The following CSTPP1 variants were observed in gnomAD, a reference collection of about 807,000 sequenced individuals.
CSTPP1 encodes centriolar satellite-associated tubulin polyglutamylase complex regulator 1.
chr11:46,939,082 CTTT>C, the CSTPP1 span, among the ~76,000 whole-genome samples: 1 of 84,744 alleles, frequency 1.2e-5, no homozygotes, highest in East Asian at 3.9e-4. Context: ...TGGCTTACAT[CTTT>C]TTTTTTTTTT....
chr11:47,117,966 G>A, the CSTPP1 span, among the ~76,000 whole-genome samples: 3 of 129,976 alleles, frequency 2.3e-5, no homozygotes, highest in Non-Finnish European at 3.1e-5. Flanking sequence ...TGCAACCTCC[G>A]CCTCCCAGGT....
the CSTPP1 span, chr11:47,052,110 T>C: frequency 4.2e-6 from 1 of 236,700 alleles, no homozygotes; most frequent in African/African-American, 2.3e-5. Context: ...CTTTCCTCCA[T>C]ATGCGTTGCT....
chr11:47,028,987 G>A, the CSTPP1 span, among the ~76,000 whole-genome samples: 1 of 151,846 alleles, frequency 6.6e-6, no homozygotes, highest in Admixed American at 6.6e-5. Context: ...ACAGGCGCAG[G>A]CCACCATGCC....
chr11:46,977,392 T>C, the CSTPP1 span, among the ~76,000 whole-genome samples: 4 of 152,208 alleles, frequency 2.6e-5, no homozygotes, highest in African/African-American at 9.6e-5. Context: ...AATGACAAAG[T>C]TTTTAAAAGA....
the CSTPP1 span, among the ~76,000 whole-genome samples, chr11:46,946,408 C>T: frequency 6.6e-6 from 1 of 152,226 alleles, no homozygotes; most frequent in Non-Finnish European, 1.5e-5. Context: ...CCTGTAATCC[C>T]AGCACTTTGG....
the CSTPP1 span, chr11:46,947,968 C>T: frequency 2.3e-6 from 1 of 443,992 alleles, no homozygotes. Context: ...CAGAACTCCT[C>T]CTGTGGCCAA....
At chr11:47,022,036 T>C in the CSTPP1 span, among the ~76,000 whole-genome samples, 1 of 139,428 alleles carries the variant, frequency 7.2e-6, no homozygotes, top group Non-Finnish European at 1.6e-5. Flanking sequence ...ACATATATGG[T>C]TTTTTTTTTT....
At chr11:47,019,924 G>A in the CSTPP1 span, among the ~76,000 whole-genome samples, 3 of 152,200 alleles carry the variant, frequency 2.0e-5, 1 homozygote, top group Middle Eastern at 0.01. Context: ...TGTAAATGGT[G>A]CACTACACAT....
chr11:47,026,091 G>A, the CSTPP1 span, among the ~76,000 whole-genome samples: 4 of 152,214 alleles, frequency 2.6e-5, no homozygotes, highest in Admixed American at 1.3e-4. Context: ...GGGTGAACCA[G>A]TTGACAAAAG....
chr11:46,945,085 A>G, the CSTPP1 span, among the ~76,000 whole-genome samples: 1 of 152,114 alleles, frequency 6.6e-6, no homozygotes, highest in Non-Finnish European at 1.5e-5. Context: ...GACACATTCT[A>G]TTTTTTGATT....
At chr11:47,057,721 G>A in the CSTPP1 span, among the ~76,000 whole-genome samples, 1 of 152,144 alleles carries the variant, frequency 6.6e-6, no homozygotes, top group Non-Finnish European at 1.5e-5. Context: ...AAGTTGTTCA[G>A]TGAGCTCCAG....
the CSTPP1 span, among the ~76,000 whole-genome samples, chr11:47,099,694 G>A: frequency 6.6e-6 from 1 of 152,192 alleles, no homozygotes; most frequent in Non-Finnish European, 1.5e-5. Context: ...GTGCAGTCCT[G>A]TTTGTATTGC....
chr11:47,118,187 AT>A, the CSTPP1 span, among the ~76,000 whole-genome samples: 3 of 151,856 alleles, frequency 2.0e-5, no homozygotes, highest in African/African-American at 7.3e-5. Flanking sequence ...CTCTTGCTGT[AT>A]TTCATTAATT....
the CSTPP1 span, among the ~76,000 whole-genome samples, chr11:47,051,348 G>C: frequency 6.6e-6 from 1 of 152,118 alleles, no homozygotes; most frequent in African/African-American, 2.4e-5. Context: ...ATTACACCAG[G>C]CTCTACAGCC....
the CSTPP1 span, among the ~76,000 whole-genome samples, chr11:47,146,200 T>C: frequency 6.6e-6 from 1 of 151,778 alleles, no homozygotes; most frequent in Non-Finnish European, 1.5e-5. Context: ...TCCTCTCTAC[T>C]AAAAATACAA....
At chr11:47,054,672 C>T in the CSTPP1 span, among the ~76,000 whole-genome samples, 1 of 152,150 alleles carries the variant, frequency 6.6e-6, no homozygotes, top group Non-Finnish European at 1.5e-5. Context: ...ATTCAAAAGG[C>T]AGTGTAGAAG....
the CSTPP1 span, chr11:47,137,613 A>G: frequency 6.2e-7 from 1 of 1,613,988 alleles, no homozygotes; most frequent in South Asian, 1.1e-5. Context: ...AAATGCAGAG[A>G]CCTAATGTGT....
chr11:47,114,181 G>T, the CSTPP1 span, among the ~76,000 whole-genome samples: 2 of 152,178 alleles, frequency 1.3e-5, no homozygotes, highest in Admixed American at 1.3e-4. Context: ...TATTTCTGAG[G>T]CCTCTGTTCT....
the CSTPP1 span, among the ~76,000 whole-genome samples, chr11:46,959,518 A>G: frequency 1.3e-5 from 2 of 152,308 alleles, no homozygotes; most frequent in East Asian, 3.9e-4. Context: ...AAGGTTGGGA[A>G]GAGGATCTAG....
Sources: gnomAD v4.1 joint callset for allele counts (sites outside exome capture counted in the v4.1 genomes callset) on GRCh38, gnomAD v4.1.1 for gene constraint, MANE v1.5 for transcripts, NCBI Gene and HGNC (gene_info 2026-07-23, HGNC 2026-07-21) for gene names.